The following POLA2 variants were observed in gnomAD, a reference collection of about 807,000 sequenced individuals.
POLA2 encodes the protein DNA polymerase alpha 2, accessory subunit.
A neutral mutation model predicts 82.8 loss-of-function variants in POLA2; 47 were observed. The ratio of observed to expected loss-of-function variants is 0.57; its 90% confidence interval spans 0.45 to 0.72. POLA2 has a LOEUF of 0.72. Among genes scored for constraint, POLA2 ranks in the 30% least tolerant of loss-of-function variants. The pLI is 0.00. For synonymous variants in POLA2, 287 were observed against 286.8 expected (o/e 1.00, Z -0.01); for missense variants, 634 against 728.1 (o/e 0.87, Z 1.49).
At position 65,278,738 on chromosome 11, in the gene POLA2, C is replaced by T. The variant is rs1247428141; in HGVS notation, c.470C>T (p.Pro157Leu). ...SPSSFSPSAT[P>L]SQKYNSRSNR... ...GTTTTGCTTCCAATTAGTGCTACTCCCTCCCAGAAATACAACTCACGAAGT... is the reference window on the plus strand; with the variant it reads ...GTTTTGCTTCCAATTAGTGCTACTCTCTCCCAGAAATACAACTCACGAAGT... Residue 157 changes from proline (P) to leucine (L), a missense_variant, in exon 6 of 18, where the codon CCC (proline) becomes CTC (leucine). By Grantham distance (98) the Pro-to-Leu change is moderately conservative. Coordinates refer to ENST00000265465, the MANE Select transcript of POLA2 (RefSeq NM_002689.4). 2.2e-5 allele frequency: 36 copies of T among 1,612,716 alleles called. No individual in the cohort carries two copies. The highest frequency in any genetic ancestry group is 2.9e-5 in the Non-Finnish European group (34 of 1,179,496).
chr11:65,292,825 T>C (rs994794500), intron 13 of POLA2, among the ~76,000 whole-genome samples: 1 of 152,240 alleles, frequency 6.6e-6, no homozygotes, highest in Non-Finnish European at 1.5e-5. Flanking sequence ...TCCACATGTT[T>C]TAAGCAAGAG....
At chr11:65,292,807 C>T (rs1055342127) in intron 13 of POLA2, among the ~76,000 whole-genome samples, 1 of 152,204 alleles carries the variant, frequency 6.6e-6, no homozygotes, top group Non-Finnish European at 1.5e-5. Flanking sequence ...GTATGTATGC[C>T]TGAGAAGTCC....
chr11:65,266,823 C>T, intron 2 of POLA2, 117 bp downstream of exon 2: 1 of 1,005,096 alleles, frequency 9.9e-7, no homozygotes, highest in South Asian at 1.5e-5. Context: ...GATTCCAGTC[C>T]CAGTGTGAGC....
intron 5 of POLA2, among the ~76,000 whole-genome samples, chr11:65,277,519 A>G (rs1026045149): frequency 1.3e-5 from 2 of 152,150 alleles, no homozygotes; most frequent in African/African-American, 2.4e-5. Flanking sequence ...AGGGTAGTCT[A>G]CTGCTGCTTT....
rs546394904 is a variant in POLA2, at chr11:65,265,488, CT to C, written c.80-1086del. ...TCTTAGACACTACTAGTTTTTCTTT[CT>C]TTTTTTTCTGAGACAGGGTCTTGCT... is the stretch of plus-strand genomic sequence containing the variant. On this transcript the variant is annotated intron_variant, in intron 1 of 17. Coordinates refer to ENST00000265465, the MANE Select transcript of POLA2 (RefSeq NM_002689.4). 7.1e-3 allele frequency among the ~76,000 whole-genome samples: 1,071 copies of C among 151,862 alleles called. 12 individuals carry two copies. Among genetic ancestry groups the C allele is most frequent in the African/African-American group, 0.025 (1,028 of 41,432 alleles).
chr11:65,299,111 T>C (rs1219087251), downstream of POLA2, among the ~76,000 whole-genome samples: 1 of 152,170 alleles, frequency 6.6e-6, no homozygotes, highest in Non-Finnish European at 1.5e-5. Flanking sequence ...GTCACCAGTT[T>C]CCCCAGGCAT....
At position 65,297,234 on chromosome 11, in the gene POLA2, A is replaced by T; in HGVS notation, c.1762A>T (p.Ser588Cys). The change falls in exon 18 of 18, where the codon AGC becomes TGC. Residue 588 changes from serine to cysteine, a missense_variant. By Grantham distance (112) the Ser-to-Cys change is moderately radical. Coordinates refer to ENST00000265465, the MANE Select transcript of POLA2 (RefSeq NM_002689.4). ...RPAADGAERQ[S>C]PCIAVQVVRI ...GGCAGCGGACGGGGCAGAGAGGCAGAGCCCATGCATTGCTGTGCAGGTCGT... is the reference window on the plus strand; with the variant it reads ...GGCAGCGGACGGGGCAGAGAGGCAGTGCCCATGCATTGCTGTGCAGGTCGT... 6.2e-7 allele frequency: 1 copy of T among 1,613,400 alleles called. No homozygotes were observed.
intron 1 of POLA2, 132 bp downstream of exon 1, chr11:65,262,503 A>G: frequency 1.5e-6 from 1 of 679,510 alleles, no homozygotes; most frequent in Non-Finnish European, 2.4e-6. Flanking sequence ...TGGCTGTGAG[A>G]TGAAGAATCA....
In POLA2 at chr11:65,278,910, A is replaced by C; in HGVS notation, c.642A>C (p.Pro214=). Reference sequence around the variant, plus strand: ...ACAAATCCATGTTTCAGAAGCTCCCAGACATTCGAGAAGGTGATTGTTTTT... The same window carrying C: ...ACAAATCCATGTTTCAGAAGCTCCCCGACATTCGAGAAGGTGATTGTTTTT... ...GSYKSMFQKL[P]DIREVLTCKI... The change falls in exon 6 of 18, where the codon CCA becomes CCC. Residue 214 remains proline, a synonymous_variant. Coordinates refer to ENST00000265465, the MANE Select transcript of POLA2 (RefSeq NM_002689.4). 1 of 1,613,306 alleles carries C rather than the reference A, an allele frequency of 6.2e-7. No individual in the cohort carries two copies. Among genetic ancestry groups the C allele is most frequent in the Non-Finnish European group, 8.5e-7 (1 of 1,179,962 alleles).
At chr11:65,263,778 G>A (rs1949427517) in intron 1 of POLA2, among the ~76,000 whole-genome samples, 1 of 149,392 alleles carries the variant, frequency 6.7e-6, no homozygotes, top group Admixed American at 6.7e-5. Context: ...GGTGAGCCGA[G>A]ATCACACCAT....
chr11:65,262,521 G>GT, intron 1 of POLA2, 150 bp downstream of exon 1: 1 of 657,212 alleles, frequency 1.5e-6, no homozygotes, highest in Admixed American at 3.1e-5. Context: ...TCAAACTTGA[G>GT]TTTTGAGATT....
At chr11:65,300,068 T>C (rs181387147), downstream of POLA2, among the ~76,000 whole-genome samples, 70 of 152,278 alleles carry the variant, frequency 4.6e-4, no homozygotes, top group Admixed American at 9.2e-4. Flanking sequence ...TCCAGAGTAT[T>C]TTCATCACCC....
chr11:65,304,434 A>C (rs570832987), intron 8 of POLA2, among the ~76,000 whole-genome samples: 19 of 134,152 alleles, frequency 1.4e-4, no homozygotes, highest in African/African-American at 4.0e-4. Flanking sequence ...CATCCACCCA[A>C]CCATCCACCC....
chr11:65,274,506 C>A (rs1367692268), intron 4 of POLA2, among the ~76,000 whole-genome samples: 13 of 151,396 alleles, frequency 8.6e-5, no homozygotes, highest in Admixed American at 3.9e-4. Context: ...ATGACAAAAC[C>A]CCATCTCTAC....
intron 6 of POLA2, 129 bp from the exon 7 acceptor site, chr11:65,279,409 A>G (rs1949616360): frequency 3.0e-6 from 2 of 656,430 alleles, no homozygotes; most frequent in Non-Finnish European, 5.3e-6. Context: ...TAAACTGGCC[A>G]GATGTCCAGG....
At chr11:65,295,266 A>G (rs762176015) in intron 15 of POLA2, among the ~76,000 whole-genome samples, 15 of 152,210 alleles carry the variant, frequency 9.9e-5, no homozygotes, top group Non-Finnish European at 1.8e-4. Flanking sequence ...ATCCTCTTGC[A>G]CAGTACGGTG....
At chr11:65,267,062 T>A (rs1949469324) in intron 2 of POLA2, among the ~76,000 whole-genome samples, 1 of 152,074 alleles carries the variant, frequency 6.6e-6, no homozygotes, top group African/African-American at 2.4e-5. Flanking sequence ...AAAAATTAGT[T>A]GGGCATGGTG....
intron 4 of POLA2, among the ~76,000 whole-genome samples, chr11:65,270,086 C>T (rs1191387179): frequency 2.0e-5 from 3 of 152,220 alleles, no homozygotes; most frequent in African/African-American, 7.2e-5. Flanking sequence ...CCTGCCTCGG[C>T]CTCCAAAGTG....
chr11:65,262,944 G>A (rs1949414661), intron 1 of POLA2, among the ~76,000 whole-genome samples: 1 of 152,276 alleles, frequency 6.6e-6, no homozygotes, highest in East Asian at 1.9e-4. Context: ...TGCCTGAGCT[G>A]TCTGTGAAGC....
Sources: gnomAD v4.1 joint callset for allele counts (sites outside exome capture counted in the v4.1 genomes callset) on GRCh38, gnomAD v4.1.1 for gene constraint, MANE v1.5 for transcripts, NCBI Gene and HGNC (gene_info 2026-07-23, HGNC 2026-07-21) for gene names.